The following MGAT5 variants were observed in gnomAD, a reference collection of about 807,000 sequenced individuals.
The protein encoded by MGAT5 is alpha-1,6-mannosylglycoprotein 6-beta-N-acetylglucosaminyltransferase A.
Under a neutral mutation model 94.3 loss-of-function variants are expected in MGAT5, and 30 were observed. The ratio of observed to expected loss-of-function variants is 0.32; its 90% confidence interval spans 0.24 to 0.43. MGAT5 has a LOEUF of 0.43. Ranked by LOEUF, MGAT5 falls within the 20% of genes least tolerant of loss-of-function variation. The pLI, the probability that MGAT5 is intolerant of heterozygous loss-of-function variation, is 1.00. For synonymous variants in MGAT5, 310 were observed against 322.9 expected (o/e 0.96, Z 0.43); for missense variants, 691 against 905.5 (o/e 0.76, Z 3.04).
intron 1 of MGAT5, among the ~76,000 whole-genome samples, chr2:134,135,690 CAAA>C (rs59026836): frequency 0.051 from 2,110 of 41,430 alleles, 9 homozygotes; most frequent in Non-Finnish European, 0.072. Context: ...GACTCCATCT[CAAA>C]AAAAAAAAAA....
intron 2 of MGAT5, among the ~76,000 whole-genome samples, chr2:134,292,632 C>T (rs966994750): frequency 6.6e-6 from 1 of 152,192 alleles, no homozygotes; most frequent in Non-Finnish European, 1.5e-5. Flanking sequence ...TGCTATCCCT[C>T]ACCTTTGCTC....
rs140295086 is a variant in MGAT5 at position 134,287,174 on chromosome 2, T to C, written c.406+16624T>C. Reference sequence around the variant, plus strand: ...CATCTTATCCTTCCTGTTCATCTTATGGCTGTATTTTCTGTAAGATTTTCA... The same window carrying C: ...CATCTTATCCTTCCTGTTCATCTTACGGCTGTATTTTCTGTAAGATTTTCA... On this transcript the variant is annotated intron_variant, in intron 2 of 15. Coordinates refer to ENST00000281923, the MANE Select transcript of MGAT5 (RefSeq NM_002410.5). Among the ~76,000 whole-genome samples the C allele has an allele frequency of 6.0e-3, 909 of 152,330 alleles. 6 individuals are homozygous for C. The highest frequency in any genetic ancestry group is 0.058 in the Middle Eastern group (17 of 294).
chr2:134,434,263 G>A (rs765643721), intron 14 of MGAT5, among the ~76,000 whole-genome samples: 1 of 152,108 alleles, frequency 6.6e-6, no homozygotes, highest in African/African-American at 2.4e-5. Flanking sequence ...TTACAAAGGC[G>A]GTGCTCTCAC....
chr2:134,326,232 C>T (rs6724699), intron 4 of MGAT5, among the ~76,000 whole-genome samples: 2,255 of 152,010 alleles, frequency 0.015, 53 homozygotes, highest in African/African-American at 0.051. Flanking sequence ...AGTTCATTTC[C>T]TAGAATTTCC....
intron 1 of MGAT5, among the ~76,000 whole-genome samples, chr2:134,182,660 T>TCACCGC (rs1225515376): frequency 4.6e-5 from 7 of 152,102 alleles, no homozygotes; most frequent in Non-Finnish European, 1.0e-4. Flanking sequence ...CCGGTCACTG[T>TCACCGC]CACCGCCACC....
intron 12 of MGAT5, among the ~76,000 whole-genome samples, chr2:134,415,043 A>G (rs959827471): frequency 2.0e-5 from 3 of 152,196 alleles, no homozygotes; most frequent in Non-Finnish European, 2.9e-5. Flanking sequence ...TTGTTTCCAT[A>G]TCTTGGCTAT....
At chr2:134,264,469 T>A (rs575420535) in intron 1 of MGAT5, among the ~76,000 whole-genome samples, 67 of 152,332 alleles carry the variant, frequency 4.4e-4, no homozygotes, top group Non-Finnish European at 9.1e-4. Flanking sequence ...AAGTTTACAG[T>A]CTAGTGATTT....
intron 11 of MGAT5, among the ~76,000 whole-genome samples, chr2:134,410,410 T>C (rs1423706534): frequency 6.6e-6 from 1 of 152,358 alleles, no homozygotes; most frequent in East Asian, 1.9e-4. Context: ...TTCCAAGTAA[T>C]GTATTTCCTA....
chr2:134,178,850 A>G (rs921111847), intron 1 of MGAT5, among the ~76,000 whole-genome samples: 3 of 152,188 alleles, frequency 2.0e-5, no homozygotes, highest in African/African-American at 4.8e-5. Context: ...GTTAATAACT[A>G]ACATTTACTG....
At chr2:134,360,883 C>A (rs1030864543) in intron 9 of MGAT5, among the ~76,000 whole-genome samples, 15 of 110,696 alleles carry the variant, frequency 1.4e-4, no homozygotes, top group Non-Finnish European at 7.4e-5. Context: ...ACTCCCCAGC[C>A]ACAACCCTGT....
intron 1 of MGAT5, among the ~76,000 whole-genome samples, chr2:134,244,397 G>GC (rs1469342582): frequency 2.6e-4 from 40 of 152,168 alleles, no homozygotes; most frequent in African/African-American, 9.2e-4. Context: ...TATGGACCAG[G>GC]TCTTTGGAGC....
At chr2:134,275,929 G>C (rs979401750) in intron 2 of MGAT5, among the ~76,000 whole-genome samples, 4 of 152,036 alleles carry the variant, frequency 2.6e-5, no homozygotes, top group African/African-American at 9.7e-5. Flanking sequence ...GCTGCAAAAA[G>C]CATCCTACAA....
intron 12 of MGAT5, among the ~76,000 whole-genome samples, chr2:134,415,340 G>A (rs1011603757): frequency 2.0e-5 from 3 of 152,150 alleles, no homozygotes; most frequent in African/African-American, 7.2e-5. Context: ...ATCTCCTTGT[G>A]GTTTCAATGT....
At chr2:134,447,499 C>T (rs965041448) in intron 15 of MGAT5, among the ~76,000 whole-genome samples, 2 of 152,188 alleles carry the variant, frequency 1.3e-5, no homozygotes, top group Admixed American at 6.5e-5. Context: ...GAATCTGAGC[C>T]ACAGAGTGGC....
chr2:134,430,716 C>T (rs1277337713), intron 14 of MGAT5, among the ~76,000 whole-genome samples: 1 of 147,906 alleles, frequency 6.8e-6, no homozygotes, highest in African/African-American at 2.5e-5. Flanking sequence ...TCACAGAAAT[C>T]CAGAGGTTTC....
In MGAT5 at chr2:134,422,129, G is replaced by A. The variant is rs571818970; in HGVS notation, c.1678-674G>A. Among the ~76,000 whole-genome samples the A allele has an allele frequency of 4.0e-5, 6 of 151,838 alleles. No homozygotes were observed. The South Asian group carries it at 1.0e-3, about 26-fold the overall frequency. ...GGAGTTTGAGGCTGCAGTGAACTAC[G>A]ACTGGGCAACAGAGCAAGACCCTTT... is the stretch of plus-strand genomic sequence containing the variant. On this transcript the variant is annotated intron_variant, in intron 12 of 15. Transcript: ENST00000281923.
intron 1 of MGAT5, among the ~76,000 whole-genome samples, chr2:134,187,437 C>A (rs2105205849): frequency 6.6e-6 from 1 of 152,248 alleles, no homozygotes; most frequent in East Asian, 1.9e-4. Context: ...TGGCCCCTCT[C>A]TGACTTTATC....
intron 4 of MGAT5, among the ~76,000 whole-genome samples, chr2:134,325,236 C>T (rs1372734849): frequency 6.6e-6 from 1 of 152,118 alleles, no homozygotes; most frequent in Admixed American, 6.6e-5. Flanking sequence ...ATCAACACTT[C>T]TTTGACTGCT....
At chr2:134,340,059 T>TA (rs1688540491) in intron 6 of MGAT5, among the ~76,000 whole-genome samples, 1 of 152,122 alleles carries the variant, frequency 6.6e-6, no homozygotes, top group South Asian at 2.1e-4. Context: ...TAATGGATGG[T>TA]AGGATTGGTG....
Sources: gnomAD v4.1 joint callset for allele counts (sites outside exome capture counted in the v4.1 genomes callset) on GRCh38, gnomAD v4.1.1 for gene constraint, MANE v1.5 for transcripts, NCBI Gene and HGNC (gene_info 2026-07-23, HGNC 2026-07-21) for gene names.